SLC1A2: variants seen among roughly 807,000 people sequenced by gnomAD.
The protein encoded by SLC1A2 is solute carrier family 1 member 2.
SLC1A2 carries 15 observed loss-of-function variants against 48.8 expected under a neutral mutation model. The ratio of observed to expected loss-of-function variants is 0.31; its 90% CI spans 0.21 to 0.47. The LOEUF (loss-of-function observed/expected upper bound fraction) is 0.47, where lower values mean the gene tolerates loss of function less well. SLC1A2 is among the 20% of genes least tolerant of loss of function. The pLI is 0.99. For synonymous variants in SLC1A2, 279 were observed against 272.6 expected, an observed-to-expected ratio of 1.02 and a Z score of -0.23; for missense variants, 502 against 730.5, an observed-to-expected ratio of 0.69 and a Z score of 3.61.
intron 1 of SLC1A2, among the ~76,000 whole-genome samples, chr11:35,354,527 C>T (rs1233673140): frequency 6.6e-6 from 1 of 152,066 alleles, no homozygotes; most frequent in African/African-American, 2.4e-5. Context: ...TGTGTTGGCC[C>T]ACCTCTTCCA....
At chr11:35,388,258 T>C (rs1292499105) in intron 1 of SLC1A2, among the ~76,000 whole-genome samples, 13 of 152,260 alleles carry the variant, frequency 8.5e-5, no homozygotes, top group Admixed American at 8.5e-4. Flanking sequence ...ATTTAAAATG[T>C]CTTTCATCCC....
At chr11:35,340,656 T>G (rs1284897027) in intron 1 of SLC1A2, among the ~76,000 whole-genome samples, 1 of 152,198 alleles carries the variant, frequency 6.6e-6, no homozygotes, top group Non-Finnish European at 1.5e-5. Flanking sequence ...TCACTTCCAT[T>G]AAGTGCCAAC....
intron 1 of SLC1A2, among the ~76,000 whole-genome samples, chr11:35,410,704 T>G (rs1855431680): frequency 6.6e-6 from 1 of 152,094 alleles, no homozygotes; most frequent in African/African-American, 2.4e-5. Context: ...CACAGCCCCA[T>G]TCAATGGCTG....
Position 35,409,570 on chromosome 11 carries a change from G to T in SLC1A2, c.17+9380C>A, listed in dbSNP as rs79723958. Among the ~76,000 whole-genome samples the T allele has an allele frequency of 4.2e-3, 646 of 152,202 alleles. 3 individuals are homozygous for T. Among genetic ancestry groups the T allele is most frequent in the South Asian group, 0.014 (66 of 4,820 alleles). ...TTGGAAGGACTGGAATGAAGAGAAG[G>T]GCTTCTCTCTTATGTACTTGGTGAC... On this transcript the variant is annotated intron_variant, in intron 1 of 10. Transcript: ENST00000278379.
At chr11:35,351,262 G>A (rs1392981506) in intron 1 of SLC1A2, among the ~76,000 whole-genome samples, 1 of 152,150 alleles carries the variant, frequency 6.6e-6, no homozygotes, top group African/African-American at 2.4e-5. Context: ...CTTTACTTAC[G>A]AGCCCATGCT....
intron 1 of SLC1A2, among the ~76,000 whole-genome samples, chr11:35,366,970 G>A (rs2038239127): frequency 6.6e-6 from 1 of 152,222 alleles, no homozygotes; most frequent in Admixed American, 6.6e-5. Context: ...TATTGAAGCA[G>A]AACCTGGTCA....
rs1172647386 is a variant in SLC1A2 at position 35,257,136 on chromosome 11, C to G, written c.*3758G>C. ...CAACCACTTTGCTCCAAAAGGGCTT[C>G]TTGACTAGATACATATGCAAATGAT... On this transcript the variant is annotated 3_prime_UTR_variant, in exon 11 of 11. Coordinates refer to ENST00000278379, the MANE Select transcript of SLC1A2 (RefSeq NM_004171.4). 6.6e-6 allele frequency: 1 copy of G among 152,164 alleles called. No individual in the cohort carries two copies. The highest frequency in any genetic ancestry group is 1.5e-5 in the Non-Finnish European group (1 of 68,016). The allele number at this position is 152,164 out of a possible 1,614,324, so 9.4% of individuals were successfully genotyped here. A position where few individuals can be genotyped will look rare whatever the true frequency, so the allele number is the denominator to read the frequency against.
intron 4 of SLC1A2, among the ~76,000 whole-genome samples, chr11:35,309,921 C>A (rs1316975991): frequency 6.6e-6 from 1 of 152,126 alleles, no homozygotes; most frequent in African/African-American, 2.4e-5. Context: ...AGGCTCAGTC[C>A]TCATATGAAT....
At chr11:35,359,152 C>T (rs1853590568) in intron 1 of SLC1A2, among the ~76,000 whole-genome samples, 2 of 152,172 alleles carry the variant, frequency 1.3e-5, no homozygotes, top group African/African-American at 2.4e-5. Flanking sequence ...AGTGGAAATA[C>T]AGCTATCACA....
chr11:35,355,994 A>G (rs935699469), intron 1 of SLC1A2, among the ~76,000 whole-genome samples: 5 of 152,166 alleles, frequency 3.3e-5, no homozygotes, highest in Non-Finnish European at 7.3e-5. Context: ...GGATAACAAC[A>G]CTGTCCATTA....
intron 1 of SLC1A2, among the ~76,000 whole-genome samples, chr11:35,397,736 A>AC (rs1855010257): frequency 2.0e-5 from 3 of 151,766 alleles, no homozygotes; most frequent in Admixed American, 6.6e-5. Flanking sequence ...CCCAAGAGAG[A>AC]CCCCTCACCC....
chr11:35,319,565 T>C (rs760700569), intron 1 of SLC1A2, among the ~76,000 whole-genome samples: 4 of 152,152 alleles, frequency 2.6e-5, no homozygotes, highest in Non-Finnish European at 5.9e-5. Context: ...AACTAGGAAG[T>C]ATTTAAAGCA....
rs1221541180 is a variant in SLC1A2 at position 35,312,375 on chromosome 11, G to A, written c.384C>T (p.Thr128=). The A allele has an allele frequency of 2.5e-6, 4 of 1,614,176 alleles. No individual in the cohort carries two copies. The change falls in exon 4 of 11, where the codon ACC becomes ACT. Residue 128 remains threonine, a synonymous_variant. Transcript: ENST00000278379. ...TRAMVYYMST[T]IIAAVLGVIL... is the part of the protein sequence containing the mutation. Reference sequence around the variant, plus strand: ...TGACCCCCAGTACTGCAGCAATGATGGTCGTGGACATGTAATACACCATGG... The same window carrying A: ...TGACCCCCAGTACTGCAGCAATGATAGTCGTGGACATGTAATACACCATGG...
intron 5 of SLC1A2, among the ~76,000 whole-genome samples, chr11:35,305,595 G>T (rs1474140416): frequency 6.6e-6 from 1 of 152,132 alleles, no homozygotes; most frequent in Non-Finnish European, 1.5e-5. Context: ...AATCTGTAAA[G>T]CTCCCTTGGT....
intron 8 of SLC1A2, 30 bp downstream of exon 8, chr11:35,286,727 T>C: frequency 6.4e-7 from 1 of 1,553,638 alleles, no homozygotes; most frequent in Non-Finnish European, 8.8e-7. Context: ...AGGGTAGAGG[T>C]TGTTTTGTGT....
rs1018777711 is a variant in SLC1A2, at chr11:35,329,216, G to T, written c.18-11700C>A. On this transcript the variant is annotated intron_variant, in intron 1 of 10. Coordinates refer to ENST00000278379, the MANE Select transcript of SLC1A2 (RefSeq NM_004171.4). The stretch of plus-strand genomic sequence containing the variant: ...AAAAGGCAAAACTATGGAGGGGCAT[G>T]GTGCTGAATAGGTGAAGCACGGAGG... Among the ~76,000 whole-genome samples the T allele has an allele frequency of 2.0e-5, 3 of 152,190 alleles. No homozygotes were observed. In the East Asian group the frequency reaches 5.8e-4, roughly 29 times the overall value.
At chr11:35,276,475 A>G (rs1249177837) in intron 9 of SLC1A2, among the ~76,000 whole-genome samples, 34 of 151,754 alleles carry the variant, frequency 2.2e-4, no homozygotes. Context: ...AATTCAGCCA[A>G]CTCCCTTCTG....
At chr11:35,365,915 T>A (rs768281117) in intron 1 of SLC1A2, among the ~76,000 whole-genome samples, 11 of 152,152 alleles carry the variant, frequency 7.2e-5, no homozygotes, top group Non-Finnish European at 1.3e-4. Flanking sequence ...GTTGTCACAA[T>A]TATGAGGTGA....
intron 1 of SLC1A2, among the ~76,000 whole-genome samples, chr11:35,416,725 A>G (rs1005838587): frequency 1.3e-5 from 2 of 152,258 alleles, no homozygotes; most frequent in Non-Finnish European, 2.9e-5. Flanking sequence ...TTTCAAGGAA[A>G]CAATTTCAAT....
Sources: allele counts gnomAD v4.1 joint callset (sites outside exome capture counted in the v4.1 genomes callset), GRCh38; gene constraint gnomAD v4.1.1; transcripts MANE v1.5; gene names NCBI Gene and HGNC (gene_info 2026-07-23, HGNC 2026-07-21).